NT5C2: variants seen among roughly 807,000 people sequenced by gnomAD.
NT5C2 encodes 5'-nucleotidase, cytosolic II.
In NT5C2, 58 loss-of-function variants were observed where a neutral mutation model predicts 76.1. The ratio of observed to expected loss-of-function variants is 0.76; its 90% confidence interval spans 0.62 to 0.95. NT5C2 has a LOEUF of 0.95. Ranked by LOEUF, NT5C2 falls within the 40% of genes least tolerant of loss-of-function variation. The pLI, the probability that NT5C2 is intolerant of heterozygous loss-of-function variation, is 0.00. For missense variants in NT5C2, 478 were observed against 690.3 expected (o/e 0.69, Z 3.45); for synonymous variants, 229 against 237.4 (o/e 0.96, Z 0.32).
At chr10:103,182,645 A>C (rs1475914230) in intron 1 of NT5C2, among the ~76,000 whole-genome samples, 3 of 152,114 alleles carry the variant, frequency 2.0e-5, no homozygotes, top group South Asian at 2.1e-4. Flanking sequence ...AAAAAAAAAA[A>C]ACTAAACTTG....
At chr10:103,137,897 T>C (rs1455966637) in intron 4 of NT5C2, among the ~76,000 whole-genome samples, 1 of 152,206 alleles carries the variant, frequency 6.6e-6, no homozygotes, top group Non-Finnish European at 1.5e-5. Flanking sequence ...GGCTACAGGA[T>C]AATGAAAAAA....
At chr10:103,111,444 T>C (rs1458409079) in intron 4 of NT5C2, among the ~76,000 whole-genome samples, 1 of 152,198 alleles carries the variant, frequency 6.6e-6, no homozygotes, top group Non-Finnish European at 1.5e-5. Context: ...AAAGATATTC[T>C]TTACTCCATA....
intron 18 of NT5C2, 30 bp downstream of exon 18, chr10:103,090,581 T>C (rs1364344796): frequency 1.9e-5 from 31 of 1,597,136 alleles, no homozygotes; most frequent in Non-Finnish European, 2.5e-5. Flanking sequence ...TTAGAGTACA[T>C]CTTGGCTGTC....
At position 103,125,599 on chromosome 10, in the gene NT5C2, A is replaced by C. The variant is rs192122831; in HGVS notation, c.175+13807T>G. On this transcript the variant is annotated intron_variant, in intron 4 of 18. Transcript: ENST00000404739. ...TAATGTTAAGGACTTTATGTCACTCATTTACTCGGAAAAGAATTTCTCATT... is the reference window on the plus strand; with the variant it reads ...TAATGTTAAGGACTTTATGTCACTCCTTTACTCGGAAAAGAATTTCTCATT... Among the ~76,000 whole-genome samples, 4 of 152,340 alleles carry C rather than the reference A, an allele frequency of 2.6e-5. No homozygotes were observed. In the East Asian group the frequency reaches 7.7e-4, roughly 29 times the overall value.
At chr10:103,148,748 T>C (rs563769637) in intron 3 of NT5C2, among the ~76,000 whole-genome samples, 1 of 152,308 alleles carries the variant, frequency 6.6e-6, no homozygotes, top group South Asian at 2.1e-4. Flanking sequence ...TACTCACTCA[T>C]ATACTCAGTA....
intron 4 of NT5C2, among the ~76,000 whole-genome samples, chr10:103,107,700 T>C (rs1272551156): frequency 6.6e-6 from 1 of 151,746 alleles, no homozygotes; most frequent in Non-Finnish European, 1.5e-5. Flanking sequence ...AATGTGTATA[T>C]AAAACTAAAT....
chr10:103,181,899 C>G (rs888091696), intron 1 of NT5C2, among the ~76,000 whole-genome samples: 1 of 151,346 alleles, frequency 6.6e-6, no homozygotes, highest in Non-Finnish European at 1.5e-5. Context: ...CCCAGCTACT[C>G]GAGAAGCTGA....
At chr10:103,102,499 A>G (rs1209490399) in intron 6 of NT5C2, among the ~76,000 whole-genome samples, 1 of 151,090 alleles carries the variant, frequency 6.6e-6, no homozygotes, top group Non-Finnish European at 1.5e-5. Flanking sequence ...ACCCAGAATC[A>G]CCCAGTTGAC....
chr10:103,175,058 G>C, intron 2 of NT5C2, 76 bp from the exon 3 acceptor site: 5 of 809,446 alleles, frequency 6.2e-6, no homozygotes, highest in Non-Finnish European at 1.0e-5. Context: ...TTAAAAATCA[G>C]AAAAACTCCA....
intron 3 of NT5C2, among the ~76,000 whole-genome samples, chr10:103,173,119 G>C (rs1008588104): frequency 3.3e-5 from 5 of 152,234 alleles, no homozygotes; most frequent in African/African-American, 1.2e-4. Context: ...AAAGTGCTGG[G>C]ATTACAGATG....
At position 103,101,067 on chromosome 10, in the gene NT5C2, TA is replaced by T; in HGVS notation, c.516del (p.Phe172LeufsTer30). The T allele has an allele frequency of 4.4e-6, 7 of 1,576,206 alleles. No homozygotes were observed. The highest frequency in any genetic ancestry group is 6.1e-6 in the Non-Finnish European group (7 of 1,145,720). ...TACCTGGTATATCTGGGACAATTAGTAAAAAAATCTACTAGGCAGGCCAACA... is the reference window on the plus strand; with the variant it reads ...TACCTGGTATATCTGGGACAATTAGTAAAAAATCTACTAGGCAGGCCAACA... Reference protein sequence around the residue: ...TYLLACLVDFFTNCPRYTSCE... With the variant: ...TYLLACLVDFXTNCPRYTSCE... On this transcript the variant is annotated frameshift_variant, in exon 8 of 19. Coordinates refer to ENST00000404739, the MANE Select transcript of NT5C2 (RefSeq NM_001351169.2). LOFTEE classifies it high-confidence loss of function.
intron 2 of NT5C2, among the ~76,000 whole-genome samples, chr10:103,178,604 G>C (rs368763374): frequency 1.3e-5 from 2 of 152,128 alleles, no homozygotes; most frequent in South Asian, 2.1e-4. Flanking sequence ...AGGCTAAGGA[G>C]GGTGGATCAC....
intron 2 of NT5C2, among the ~76,000 whole-genome samples, chr10:103,180,486 C>A (rs748051293): frequency 1.3e-5 from 2 of 152,228 alleles, no homozygotes; most frequent in African/African-American, 4.8e-5. Context: ...AATCCCAACA[C>A]TTTGGGAGGC....
intron 3 of NT5C2, among the ~76,000 whole-genome samples, chr10:103,171,733 A>C (rs955801339): frequency 6.6e-6 from 1 of 152,198 alleles, no homozygotes; most frequent in African/African-American, 2.4e-5. Context: ...CAAACATTTA[A>C]TTGAATCTAT....
intron 4 of NT5C2, among the ~76,000 whole-genome samples, chr10:103,129,974 G>C: frequency 6.7e-6 from 1 of 149,544 alleles, no homozygotes; most frequent in Non-Finnish European, 1.5e-5. Context: ...TGTCCGGGAG[G>C]TGAGGGGCGC....
Position 103,089,921 on chromosome 10 carries a change from AAGCT to A in NT5C2, c.1450-17_1450-14del, listed in dbSNP as rs771974870. ...ATTCATGAGGCATCTAGACAGAAAA[AAGCT>A]AGAGGCTCAGAAAGCAGGCAGAGCA... On this transcript the variant is annotated splice_polypyrimidine_tract_variant and intron_variant, in intron 18 of 18. Transcript: ENST00000404739. 1.9e-6 allele frequency: 3 copies of A among 1,571,190 alleles called. No individual in the cohort carries two copies. In the African/African-American group the frequency reaches 4.1e-5, roughly 21 times the overall value.
chr10:103,154,120 T>C (rs529595974), intron 3 of NT5C2, among the ~76,000 whole-genome samples: 4 of 152,132 alleles, frequency 2.6e-5, no homozygotes, highest in Non-Finnish European at 5.9e-5. Context: ...TCCCGACCAA[T>C]ATAATGCATA....
chr10:103,165,885 G>A (rs969811625), intron 3 of NT5C2, among the ~76,000 whole-genome samples: 3 of 152,064 alleles, frequency 2.0e-5, no homozygotes, highest in Admixed American at 2.0e-4. Context: ...AGTCAGGCTA[G>A]TCTCGAACTC....
intron 3 of NT5C2, among the ~76,000 whole-genome samples, chr10:103,157,050 A>G (rs923677714): frequency 2.0e-5 from 3 of 149,978 alleles, no homozygotes; most frequent in African/African-American, 7.3e-5. Flanking sequence ...TTTTAAATGT[A>G]TATTACTCTT....
Sources: gnomAD v4.1 joint callset for allele counts (sites outside exome capture counted in the v4.1 genomes callset) on GRCh38, gnomAD v4.1.1 for gene constraint, MANE v1.5 for transcripts, NCBI Gene and HGNC (gene_info 2026-07-23, HGNC 2026-07-21) for gene names.